WDR7: variants seen among roughly 807,000 people sequenced by gnomAD.
WDR7 encodes WD repeat-containing protein 7.
In WDR7, 46 loss-of-function variants were observed where a neutral mutation model predicts 169.4. That is an observed-to-expected ratio of 0.27 (90% CI 0.21 to 0.35). WDR7 has a LOEUF of 0.35. WDR7 is among the 10% of genes least tolerant of loss of function. The probability of loss-of-function intolerance (pLI) is 1.00; values close to 1 mark genes in which losing one functional copy is unlikely to be tolerated. For missense variants in WDR7, 1,534 were observed against 1,859.3 expected, an observed-to-expected ratio of 0.83 and a Z score of 3.22; for synonymous variants, 612 against 666.8, an observed-to-expected ratio of 0.92 and a Z score of 1.27.
At chr18:56,724,459 G>T (rs2026396922) in intron 13 of WDR7, among the ~76,000 whole-genome samples, 2 of 151,734 alleles carry the variant, frequency 1.3e-5, no homozygotes, top group African/African-American at 4.8e-5. Context: ...TGATCCACCT[G>T]CCTTGGCCTC....
rs1337555642 is a variant in WDR7, at chr18:56,938,656, A to G, written c.3955A>G (p.Thr1319Ala). 3.7e-6 allele frequency: 6 copies of G among 1,613,626 alleles called. No individual in the cohort carries two copies. In the Admixed American group the frequency reaches 5.0e-5, roughly 13 times the overall value. ...TGAAATTCTTATTGAAAAGATGCCC[A>G]CAGATGTTGTGGATCTTCTCGTGGA... is the stretch of plus-strand genomic sequence containing the variant. ...VIEILIEKMP[T>A]DVVDLLVEVM... Residue 1319 changes from threonine to alanine, a missense_variant, in exon 24 of 28, where the codon ACA becomes GCA. Coordinates refer to ENST00000254442, the MANE Select transcript of WDR7 (RefSeq NM_015285.3).
intron 12 of WDR7, among the ~76,000 whole-genome samples, chr18:56,708,385 G>T (rs2026009029): frequency 6.6e-6 from 1 of 152,070 alleles, no homozygotes; most frequent in African/African-American, 2.4e-5. Flanking sequence ...AACAGGTAAG[G>T]CCAAGCAGAC....
intron 25 of WDR7, among the ~76,000 whole-genome samples, chr18:56,958,871 A>G (rs1166072276): frequency 6.6e-6 from 1 of 152,144 alleles, no homozygotes; most frequent in Non-Finnish European, 1.5e-5. Context: ...GGTAAGTGTA[A>G]TGTTTCAAAC....
At chr18:56,716,245 C>T (rs991684369) in intron 12 of WDR7, among the ~76,000 whole-genome samples, 3 of 152,088 alleles carry the variant, frequency 2.0e-5, no homozygotes, top group African/African-American at 7.2e-5. Flanking sequence ...GAATGTTTAT[C>T]AGGAAAATAA....
intron 11 of WDR7, among the ~76,000 whole-genome samples, chr18:56,695,532 G>T (rs2025680793): frequency 6.6e-6 from 1 of 150,562 alleles, no homozygotes; most frequent in Non-Finnish European, 1.5e-5. Context: ...CCATCCAATA[G>T]AAATCTTTTT....
At chr18:56,752,261 T>C (rs1294576883) in intron 14 of WDR7, among the ~76,000 whole-genome samples, 1 of 152,188 alleles carries the variant, frequency 6.6e-6, no homozygotes, top group Non-Finnish European at 1.5e-5. Flanking sequence ...TTCTCCATCT[T>C]GGACACTTGT....
intron 20 of WDR7, among the ~76,000 whole-genome samples, chr18:56,853,157 A>G (rs1365513267): frequency 2.6e-5 from 4 of 152,236 alleles, no homozygotes; most frequent in Non-Finnish European, 5.9e-5. Flanking sequence ...TTTAGAAAAC[A>G]GAAAAGGTAA....
intron 19 of WDR7, among the ~76,000 whole-genome samples, chr18:56,799,421 G>T (rs979553420): frequency 1.6e-4 from 21 of 134,274 alleles, no homozygotes; most frequent in Non-Finnish European, 3.1e-4. Flanking sequence ...AAATATTTTG[G>T]TTTTTTTTAT....
At chr18:57,035,640 C>T in the WDR7 span, 8 of 152,270 alleles carry the variant, frequency 5.3e-5, no homozygotes, top group Non-Finnish European at 8.8e-5. Context: ...CAGGCCAGGA[C>T]TGAGGGTAGA....
chr18:57,026,169 A>G (rs1276886723), intron 27 of WDR7, among the ~76,000 whole-genome samples: 1 of 152,252 alleles, frequency 6.6e-6, no homozygotes, highest in Non-Finnish European at 1.5e-5. Context: ...GACAGCTACC[A>G]TTCAGTATTT....
intron 26 of WDR7, among the ~76,000 whole-genome samples, chr18:57,004,335 T>C (rs2048025357): frequency 1.3e-5 from 2 of 152,170 alleles, no homozygotes; most frequent in African/African-American, 4.8e-5. Flanking sequence ...CTCTGGTGTC[T>C]ACAGTAGACA....
intron 25 of WDR7, among the ~76,000 whole-genome samples, chr18:56,956,775 C>T (rs918015642): frequency 6.6e-6 from 1 of 152,070 alleles, no homozygotes; most frequent in African/African-American, 2.4e-5. Context: ...GCAGTTGATT[C>T]GATTTTAAAT....
chr18:56,777,284 A>G (rs1055172612), intron 17 of WDR7, among the ~76,000 whole-genome samples: 2 of 152,142 alleles, frequency 1.3e-5, no homozygotes, highest in Non-Finnish European at 2.9e-5. Context: ...AGTTAGAGGG[A>G]GTTGTGAGGG....
chr18:56,750,314 A>C (rs1445904028), intron 14 of WDR7, among the ~76,000 whole-genome samples: 1 of 152,222 alleles, frequency 6.6e-6, no homozygotes, highest in African/African-American at 2.4e-5. Context: ...TGAAAATGTC[A>C]AATATGTCTA....
intron 13 of WDR7, among the ~76,000 whole-genome samples, chr18:56,727,041 C>T (rs537040658): frequency 6.6e-6 from 1 of 152,274 alleles, no homozygotes; most frequent in South Asian, 2.1e-4. Flanking sequence ...GCTGCCTGTA[C>T]TCTAAGCTAT....
At chr18:57,006,556 G>A (rs1354382504) in intron 26 of WDR7, among the ~76,000 whole-genome samples, 1 of 152,094 alleles carries the variant, frequency 6.6e-6, no homozygotes, top group African/African-American at 2.4e-5. Context: ...AAAGGTTTAA[G>A]CCAATATATC....
intron 2 of WDR7, 126 bp from the exon 3 acceptor site, chr18:56,679,206 A>G (rs1301461661): frequency 8.8e-6 from 6 of 685,074 alleles, no homozygotes; most frequent in Non-Finnish European, 1.4e-5. Context: ...TGCAAGAGCC[A>G]GGGGCTAGAA....
chr18:56,827,464 C>T (rs1381353836), intron 20 of WDR7, among the ~76,000 whole-genome samples: 2 of 152,040 alleles, frequency 1.3e-5, no homozygotes, highest in African/African-American at 4.8e-5. Flanking sequence ...ACAAATGTCG[C>T]CTGTTCTCAT....
intron 14 of WDR7, among the ~76,000 whole-genome samples, chr18:56,750,383 A>G (rs1318837908): frequency 6.6e-6 from 1 of 152,210 alleles, no homozygotes; most frequent in Non-Finnish European, 1.5e-5. Context: ...TTATCGTTGA[A>G]TCTTACTAGC....
Sources: allele counts gnomAD v4.1 joint callset (sites outside exome capture counted in the v4.1 genomes callset), GRCh38; gene constraint gnomAD v4.1.1; transcripts MANE v1.5; gene names NCBI Gene and HGNC (gene_info 2026-07-23, HGNC 2026-07-21).